The following RBKS variants were observed in gnomAD, a reference collection of about 807,000 sequenced individuals.
The protein encoded by RBKS is ribokinase.
Under a neutral mutation model 33.9 loss-of-function variants are expected in RBKS, and 33 were observed. That is an observed-to-expected ratio of 0.97 (90% CI 0.74 to 1.30). The LOEUF is 1.30. Among genes scored for constraint, RBKS ranks in the 50% most tolerant of loss-of-function variants. The pLI is 0.00. For synonymous variants in RBKS, 125 were observed against 143.0 expected (o/e 0.87, Z 0.90); for missense variants, 361 against 392.6 (o/e 0.92, Z 0.68).
At position 27,794,223 on chromosome 2, in the gene RBKS, G is replaced by A. The variant is rs1677593249; in HGVS notation, c.796-12435C>T. 1.3e-5 allele frequency among the ~76,000 whole-genome samples: 2 copies of A among 151,248 alleles called. 1 individual carries two copies. The highest frequency in any genetic ancestry group is 3.9e-4 in the East Asian group (2 of 5,120). On this transcript the variant is annotated intron_variant, in intron 7 of 7. Transcript: ENST00000302188. ...GAGGCAGGAGAATCGCTTGAACCTG[G>A]GAGGTGGAGGTTGTGGTGAGCTGAG... is the stretch of plus-strand genomic sequence containing the variant.
intron 6 of RBKS, among the ~76,000 whole-genome samples, chr2:27,829,797 T>C (rs1393251978): frequency 6.6e-6 from 1 of 152,106 alleles, no homozygotes; most frequent in Non-Finnish European, 1.5e-5. Flanking sequence ...ACTAAGTCAG[T>C]GGTTGGCTTG....
At chr2:27,879,854 A>C (rs557577619) in intron 1 of RBKS, among the ~76,000 whole-genome samples, 65 of 152,296 alleles carry the variant, frequency 4.3e-4, no homozygotes, top group African/African-American at 1.4e-3. Flanking sequence ...TAAATAGCCT[A>C]CCAACTAAAA....
At chr2:27,798,066 T>C in intron 7 of RBKS, among the ~76,000 whole-genome samples, 1 of 151,868 alleles carries the variant, frequency 6.6e-6, no homozygotes, top group Non-Finnish European at 1.5e-5. Flanking sequence ...CTATGAGACT[T>C]GGTAATGGTT....
At chr2:27,786,638 C>T (rs938845279) in intron 7 of RBKS, among the ~76,000 whole-genome samples, 8 of 152,072 alleles carry the variant, frequency 5.3e-5, no homozygotes, top group Non-Finnish European at 1.0e-4. Context: ...AAAAATTAGC[C>T]GGGCGTGGTG....
At chr2:27,819,549 C>T (rs762090419) in intron 7 of RBKS, among the ~76,000 whole-genome samples, 2 of 152,148 alleles carry the variant, frequency 1.3e-5, no homozygotes, top group Non-Finnish European at 1.5e-5. Context: ...CTACCAAATA[C>T]CTAAACATGA....
intron 1 of RBKS, chr2:27,870,287 T>C (rs950304248): frequency 1.3e-5 from 2 of 153,316 alleles, no homozygotes; most frequent in African/African-American, 4.8e-5. Context: ...ATCTGACAAT[T>C]TGAACACAGT....
At chr2:27,827,484 C>T (rs1678334104) in intron 7 of RBKS, 83 bp downstream of exon 7, 1 of 1,278,748 alleles carries the variant, frequency 7.8e-7, no homozygotes, top group Admixed American at 2.7e-5. Context: ...TTTCATTATC[C>T]AAAAATTCAG....
intron 1 of RBKS, among the ~76,000 whole-genome samples, chr2:27,878,225 C>T (rs1664353070): frequency 6.6e-6 from 1 of 150,582 alleles, no homozygotes; most frequent in Admixed American, 6.6e-5. Context: ...TGTTCCCCTT[C>T]CTGTGTCCAT....
chr2:27,833,775 C>A (rs1343405344), intron 5 of RBKS, among the ~76,000 whole-genome samples: 1 of 152,182 alleles, frequency 6.6e-6, no homozygotes, highest in Non-Finnish European at 1.5e-5. Flanking sequence ...TATTTCAAGT[C>A]TTTAGAAATT....
chr2:27,790,658 G>A (rs918585201), intron 7 of RBKS, among the ~76,000 whole-genome samples: 2 of 152,156 alleles, frequency 1.3e-5, no homozygotes, highest in Non-Finnish European at 2.9e-5. Context: ...TGCCAAATAA[G>A]TATATGAAAA....
chr2:27,857,819 C>G (rs1458447012), intron 2 of RBKS, among the ~76,000 whole-genome samples: 1 of 152,134 alleles, frequency 6.6e-6, no homozygotes, highest in African/African-American at 2.4e-5. Flanking sequence ...GTATAAAGGA[C>G]AAGGGAGACT....
At chr2:27,880,451 G>A (rs1290258281) in intron 1 of RBKS, among the ~76,000 whole-genome samples, 4 of 152,062 alleles carry the variant, frequency 2.6e-5, no homozygotes, top group Non-Finnish European at 5.9e-5. Flanking sequence ...AGAAATAAAA[G>A]GCATCCAAGT....
intron 2 of RBKS, among the ~76,000 whole-genome samples, chr2:27,854,511 A>G (rs1396308157): frequency 1.3e-5 from 2 of 152,238 alleles, no homozygotes; most frequent in East Asian, 1.9e-4. Flanking sequence ...CATTAGCACA[A>G]GACACTCCTA....
At chr2:27,848,996 A>G (rs1362378570) in intron 2 of RBKS, among the ~76,000 whole-genome samples, 1 of 152,172 alleles carries the variant, frequency 6.6e-6, no homozygotes. Context: ...ATTGCTGGCT[A>G]TAAGAGAATG....
At chr2:27,860,351 T>G (rs1056328805) in intron 1 of RBKS, among the ~76,000 whole-genome samples, 3 of 152,206 alleles carry the variant, frequency 2.0e-5, no homozygotes, top group African/African-American at 7.2e-5. Context: ...AGTAACTATG[T>G]GAATTCTTGG....
At chr2:27,836,845 A>C (rs1386290472) in intron 5 of RBKS, among the ~76,000 whole-genome samples, 2 of 152,236 alleles carry the variant, frequency 1.3e-5, no homozygotes, top group Admixed American at 6.5e-5. Context: ...ACATGAACAG[A>C]CATTTCTCAA....
At chr2:27,851,502 T>A (rs1443502701) in intron 2 of RBKS, among the ~76,000 whole-genome samples, 3 of 152,136 alleles carry the variant, frequency 2.0e-5, no homozygotes, top group Admixed American at 2.0e-4. Context: ...CTTGGACCCA[T>A]CTTGTAGTCA....
chr2:27,889,723 T>C lies in RBKS; in HGVS notation c.89+534A>G, dbSNP rs1163965537. The stretch of plus-strand genomic sequence containing the variant: ...CTGTAAATATAAAATACTGCAGTAA[T>C]GCCGACAATCAACATGGTGAAAGGT... On this transcript the variant is annotated intron_variant, in intron 1 of 7. Transcript: ENST00000302188. Among the ~76,000 whole-genome samples, 3 of 152,250 alleles carry C rather than the reference T, an allele frequency of 2.0e-5. No homozygotes were observed. In the East Asian group the frequency reaches 5.8e-4, roughly 29 times the overall value.
chr2:27,864,909 A>C (rs1475419149), intron 1 of RBKS, among the ~76,000 whole-genome samples: 1 of 152,224 alleles, frequency 6.6e-6, no homozygotes, highest in South Asian at 2.1e-4. Context: ...AAATCCTCTC[A>C]GGGAGAGAAG....
Sources: allele counts gnomAD v4.1 joint callset (sites outside exome capture counted in the v4.1 genomes callset), GRCh38; gene constraint gnomAD v4.1.1; transcripts MANE v1.5; gene names NCBI Gene and HGNC (gene_info 2026-07-23, HGNC 2026-07-21).